The following SPRED3 variants were observed in gnomAD, a reference collection of about 807,000 sequenced individuals.
SPRED3 encodes the protein sprouty-related, EVH1 domain-containing protein 3.
Under a neutral mutation model 37.6 loss-of-function variants are expected in SPRED3, and 23 were observed. The ratio of observed to expected loss-of-function variants is 0.61; its 90% CI spans 0.44 to 0.87. The LOEUF (loss-of-function observed/expected upper bound fraction) is 0.87. Among genes scored for constraint, SPRED3 ranks in the 40% least tolerant of loss-of-function variants. The probability of loss-of-function intolerance (pLI) is 0.00; values close to 1 mark genes in which losing one functional copy is unlikely to be tolerated. For synonymous variants in SPRED3, 302 were observed against 279.6 expected, an observed-to-expected ratio of 1.08 and a Z score of -0.80; for missense variants, 584 against 618.6, an observed-to-expected ratio of 0.94 and a Z score of 0.59.
At chr19:38,391,883 G>A in intron 2 of SPRED3, 63 bp from the exon 3 acceptor site, 3 of 1,585,962 alleles carry the variant, frequency 1.9e-6, no homozygotes, top group Non-Finnish European at 2.6e-6. Flanking sequence ...GCTGGTGATG[G>A]ACGAGACGTC....
rs774014740 is a variant in SPRED3 at position 38,397,903 on chromosome 19, T to TAAAAAAAAAAAAAAAAA, written c.*1773_*1774insAAAAAAAAAAAAAAAAA. On this transcript the variant is annotated 3_prime_UTR_variant, in exon 6 of 6. Coordinates refer to ENST00000691638, the MANE Select transcript of SPRED3 (RefSeq NM_001394336.1). ...CTGGGCAATGTAGTGAGACCGTCTC[T>TAAAAAAAAAAAAAAAAA]AAAAAAAAAAAAAAAGGACCAAGTA... is the stretch of plus-strand genomic sequence containing the variant. 1.5e-5 allele frequency: 2 copies of TAAAAAAAAAAAAAAAAA among 131,984 alleles called. No individual in the cohort carries two copies. Among genetic ancestry groups the TAAAAAAAAAAAAAAAAA allele is most frequent in the African/African-American group, 5.8e-5 (2 of 34,240 alleles). The allele number at this position is 131,984 out of a possible 1,614,324, so 8.2% of individuals were successfully genotyped here.
intron 1 of SPRED3, 108 bp downstream of exon 1, chr19:38,388,915 C>G (rs1970784803): frequency 2.5e-6 from 1 of 394,200 alleles, no homozygotes; most frequent in Admixed American, 4.4e-5. Flanking sequence ...GCCCCCAAGG[C>G]CCCGGCTAGG....
intron 4 of SPRED3, chr19:38,394,308 A>G: frequency 6.9e-7 from 1 of 1,449,388 alleles, no homozygotes; most frequent in Non-Finnish European, 9.3e-7. Context: ...AGGTTTGGCG[A>G]GCTGATTAGA....
chr19:38,391,802 G>T, intron 2 of SPRED3, 144 bp from the exon 3 acceptor site: 1 of 932,604 alleles, frequency 1.1e-6, no homozygotes, highest in Non-Finnish European at 1.6e-6. Flanking sequence ...TATCAGTGTT[G>T]ATCAGAGTTC....
In SPRED3 at chr19:38,398,072, A is replaced by C. The variant is rs8108440; in HGVS notation, c.*1927A>C. The C allele has an allele frequency of 0.024, 3,622 of 152,320 alleles. 52 individuals are homozygous for C. The highest frequency in any genetic ancestry group is 0.045 in the South Asian group (215 of 4,824). 9.4% of individuals were successfully genotyped at this position (152,320 alleles called of 1,614,324 possible). ...CTGGCCACACTGTGCCCTCAGAAGA[A>C]GTGTGTGCAATGGAAACTTTCAGGC... On this transcript the variant is annotated 3_prime_UTR_variant, in exon 6 of 6. Transcript: ENST00000691638.
chr19:38,393,638 A>G (rs1181076612), intron 4 of SPRED3, among the ~76,000 whole-genome samples: 1 of 152,016 alleles, frequency 6.6e-6, no homozygotes, highest in Non-Finnish European at 1.5e-5. Context: ...CTATTTTCTT[A>G]TCTATTAGTT....
intron 1 of SPRED3, 166 bp from the exon 2 acceptor site, chr19:38,390,133 C>T (rs1970809192): frequency 6.3e-6 from 3 of 476,836 alleles, no homozygotes; most frequent in Non-Finnish European, 7.0e-6. Flanking sequence ...GTGTGGAAGA[C>T]GGTGGCCATG....
At chr19:38,389,810 A>C in intron 1 of SPRED3, 1 of 151,314 alleles carries the variant, frequency 6.6e-6, no homozygotes, top group Admixed American at 6.6e-5. Flanking sequence ...TGGGTTTCTC[A>C]CCCAGCCTGT....
intron 1 of SPRED3, 51 bp downstream of exon 1, chr19:38,388,858 G>A (rs1170523187): frequency 1.5e-5 from 6 of 396,392 alleles, no homozygotes; most frequent in African/African-American, 4.1e-5. Flanking sequence ...TGCCTGCCCC[G>A]ATGAGGGGGC....
intron 4 of SPRED3, among the ~76,000 whole-genome samples, chr19:38,393,053 T>C (rs941572591): frequency 7.2e-5 from 11 of 152,278 alleles, no homozygotes; most frequent in South Asian, 2.1e-4. Flanking sequence ...TTACTCGGCT[T>C]CGGCCACATG....
Position 38,388,795 on chromosome 19 carries a change from C to T in SPRED3, c.-17C>T. ...GCGTCGCCGCCGCTCGGAGCCCGGC[C>T]GGAGCCTCGCAGGCAGGTGCCGAGG... On this transcript the variant is annotated 5_prime_UTR_variant, in exon 1 of 6. Transcript: ENST00000691638. 2.5e-6 allele frequency: 1 copy of T among 398,154 alleles called. No individual in the cohort carries two copies. The highest frequency in any genetic ancestry group is 4.4e-6 in the Non-Finnish European group (1 of 225,780). The allele number at this position is 398,154 out of a possible 1,614,324, so 24.7% of individuals were successfully genotyped here.
In SPRED3 at chr19:38,395,543, G is replaced by A. The variant is rs1970883659; in HGVS notation, c.631G>A (p.Gly211Arg). 25 of 1,546,942 alleles carry A rather than the reference G, an allele frequency of 1.6e-5. No homozygotes were observed. Among genetic ancestry groups the A allele is most frequent in the Non-Finnish European group, 1.8e-5 (21 of 1,150,888 alleles). ...PEPSEPLAGA[G>R]GLGWGGRGYE... Reference sequence around the variant, plus strand: ...ACCCTCAGAGCCCCTGGCAGGGGCAGGGGGCCTGGGGTGGGGCGGCCGCGG... The same window carrying A: ...ACCCTCAGAGCCCCTGGCAGGGGCAAGGGGCCTGGGGTGGGGCGGCCGCGG... Residue 211 changes from glycine to arginine, a missense_variant, in exon 6 of 6, where the codon GGG (glycine) becomes AGG (arginine). By Grantham distance (125) the Gly-to-Arg change is moderately radical. This residue lies in a region of SPRED3 where 310 missense variants were observed against 281.1 expected (regional missense o/e 1.10). Transcript: ENST00000691638. The surrounding 1 kb of genome is among the most constrained non-coding windows in gnomAD (Gnocchi z 5.2).
chr19:38,395,737 C>G lies in SPRED3; in HGVS notation c.825C>G (p.Pro275=). The G allele has an allele frequency of 1.4e-6, 2 of 1,459,548 alleles. No homozygotes were observed. The highest frequency in any genetic ancestry group is 5.8e-5 in the East Asian group (2 of 34,278). 90.4% of individuals were successfully genotyped at this position (1,459,548 alleles called of 1,614,324 possible). The part of the protein sequence containing the change: ...AAPPAPPARP[P]PGPGPSSAPA... ...CCCCAGCGCCCCCCGCTCGCCCACC[C>G]CCCGGCCCGGGCCCATCCTCTGCGC... is the stretch of plus-strand genomic sequence containing the variant. The change falls in exon 6 of 6, where the codon CCC becomes CCG. Residue 275 remains proline, a synonymous_variant. Transcript: ENST00000691638. The surrounding 1 kb of genome is among the most constrained non-coding windows in gnomAD (Gnocchi z 5.2).
In SPRED3 at chr19:38,392,358, A is replaced by G. The variant is rs558940524; in HGVS notation, c.423+70A>G. On this transcript the variant is annotated intron_variant, in intron 4 of 5. Transcript: ENST00000691638. ...TGTTTTTATTCTATGAACATTCTTG[A>G]GCACCTACTGTGTAGCAGGCACCAT... The G allele has an allele frequency of 4.0e-5, 57 of 1,434,254 alleles. No individual in the cohort carries two copies. In the South Asian group the frequency reaches 8.2e-4, roughly 21 times the overall value. The allele number at this position is 1,434,254 out of a possible 1,614,324, so 88.8% of individuals were successfully genotyped here.
At chr19:38,394,358 C>T (rs1203825179) in intron 4 of SPRED3, 1 of 1,569,710 alleles carries the variant, frequency 6.4e-7, no homozygotes, top group South Asian at 1.1e-5. Flanking sequence ...TAACCATTTC[C>T]AGCTCTCCCA....
In SPRED3 at chr19:38,396,002, G is replaced by A. The variant is rs1354351766; in HGVS notation, c.1090G>A (p.Ala364Thr). 6.4e-6 allele frequency: 9 copies of A among 1,417,082 alleles called. No individual in the cohort carries two copies. Among genetic ancestry groups the A allele is most frequent in the African/African-American group, 4.5e-5 (3 of 66,496 alleles). 87.8% of individuals were successfully genotyped at this position (1,417,082 alleles called of 1,614,324 possible). ...CTGCGAGCCGGGCCACCCGCGCCCC[G>A]CCGCGCGCTGGGCCGCGCTGGCCGC... ...CACEPGHPRP[A>T]ARWAALAALS... The change falls in exon 6 of 6, where the codon GCC (alanine) becomes ACC (threonine). Residue 364 changes from alanine to threonine, a missense_variant. Coordinates refer to ENST00000691638, the MANE Select transcript of SPRED3 (RefSeq NM_001394336.1).
At position 38,399,435 on chromosome 19, in the gene SPRED3, C is replaced by T. The variant is rs1198691145; in HGVS notation, c.*3290C>T. ...GGGAGGCACCCCAACATATATCTTC[C>T]TGATCTTGTTTCTAAGCCAGTCTGT... On this transcript the variant is annotated 3_prime_UTR_variant, in exon 6 of 6. Transcript: ENST00000691638. 6.6e-6 allele frequency: 1 copy of T among 152,034 alleles called. No individual in the cohort carries two copies. Among genetic ancestry groups the T allele is most frequent in the African/African-American group, 2.4e-5 (1 of 41,368 alleles). The allele number at this position is 152,034 out of a possible 1,614,324, so 9.4% of individuals were successfully genotyped here.
In SPRED3 at chr19:38,395,542, AG is replaced by A; in HGVS notation, c.635del (p.Gly212AlafsTer36). On this transcript the variant is annotated frameshift_variant, in exon 6 of 6. Coordinates refer to ENST00000691638, the MANE Select transcript of SPRED3 (RefSeq NM_001394336.1). LOFTEE classifies it high-confidence loss of function. The surrounding 1 kb of genome is among the most constrained non-coding windows in gnomAD (Gnocchi z 5.2). The stretch of plus-strand genomic sequence containing the variant: ...AACCCTCAGAGCCCCTGGCAGGGGC[AG>A]GGGGCCTGGGGTGGGGCGGCCGCGG... ...PEPSEPLAGA[G>X]GLGWGGRGYE... 7 of 1,548,330 alleles carry A rather than the reference AG, an allele frequency of 4.5e-6. No individual in the cohort carries two copies. The highest frequency in any genetic ancestry group is 2.5e-5 in the East Asian group (1 of 39,576).
At chr19:38,389,304 C>A (rs1026435629) in intron 1 of SPRED3, among the ~76,000 whole-genome samples, 1 of 151,738 alleles carries the variant, frequency 6.6e-6, no homozygotes, top group Admixed American at 6.6e-5. Flanking sequence ...TCCTGAAGGG[C>A]CCGGGAAACC....
Sources: allele counts gnomAD v4.1 joint callset (sites outside exome capture counted in the v4.1 genomes callset), GRCh38; gene constraint gnomAD v4.1.1; regional missense constraint gnomAD v4.1.1; non-coding constraint Gnocchi (gnomAD v3.1); transcripts MANE v1.5; gene names NCBI Gene and HGNC (gene_info 2026-07-23, HGNC 2026-07-21).